CGGBP1: variants seen among roughly 807,000 people sequenced by gnomAD.
The protein encoded by CGGBP1 is CGG triplet repeat binding protein 1.
Under a neutral mutation model 11.4 loss-of-function variants are expected in CGGBP1, and 4 were observed. That is an observed-to-expected ratio of 0.35 (90% confidence interval 0.17 to 0.80). The LOEUF (loss-of-function observed/expected upper bound fraction) is 0.80. Among genes scored for constraint, CGGBP1 ranks in the 30% least tolerant of loss-of-function variants. The pLI is 0.52. For missense variants in CGGBP1, 135 were observed against 202.1 expected, an observed-to-expected ratio of 0.67 and a Z score of 2.01; for synonymous variants, 76 against 74.1, an observed-to-expected ratio of 1.03 and a Z score of -0.13.
chr3:88,062,700 G>A (rs1420797975), upstream of CGGBP1, among the ~76,000 whole-genome samples: 1 of 152,104 alleles, frequency 6.6e-6, no homozygotes, highest in Non-Finnish European at 1.5e-5. Flanking sequence ...AGGATTTCTG[G>A]AACCACTTTG....
rs538966633 is a variant in CGGBP1, at chr3:88,129,004, T to G, written c.-229+11966A>C. ...ATGTCACCTGTAGAAGATCAGCTAT[T>G]CCGGGAGGTATTGTTTGAGACTATT... On this transcript the variant is annotated intron_variant, in intron 2 of 3. Coordinates refer to the CGGBP1 transcript ENST00000462901. 71 of 1,532,352 alleles carry G rather than the reference T, an allele frequency of 4.6e-5. 1 individual carries two copies. The African/African-American group carries it at 5.9e-4, about 13-fold the overall frequency. 94.9% of individuals were successfully genotyped at this position (1,532,352 alleles called of 1,614,324 possible).
chr3:88,100,594 A>C (rs1464898892), intron 2 of CGGBP1, among the ~76,000 whole-genome samples: 5 of 152,230 alleles, frequency 3.3e-5, no homozygotes, highest in Non-Finnish European at 7.3e-5. Context: ...GATTAAGAAA[A>C]TGTGGCACAT....
At chr3:88,141,497 T>A in intron 1 of CGGBP1, 1 of 527,752 alleles carries the variant, frequency 1.9e-6, no homozygotes, top group Non-Finnish European at 3.1e-6. Context: ...AGAAAATAAT[T>A]GAGAAACAAA....
At chr3:88,135,330 C>CGT in intron 2 of CGGBP1, 1 of 656,156 alleles carries the variant, frequency 1.5e-6, no homozygotes. Flanking sequence ...CCACATTCTC[C>CGT]ATACATTACA....
At chr3:88,083,201 A>T (rs896826495) in intron 2 of CGGBP1, among the ~76,000 whole-genome samples, 1 of 152,196 alleles carries the variant, frequency 6.6e-6, no homozygotes, top group Non-Finnish European at 1.5e-5. Context: ...TAGGGCTTCA[A>T]CAAATGAACT....
chr3:88,140,648 T>G, intron 2 of CGGBP1: 1 of 1,613,790 alleles, frequency 6.2e-7, no homozygotes, highest in Non-Finnish European at 8.5e-7. Flanking sequence ...CATCAGATCC[T>G]GCTTTGAAAA....
intron 2 of CGGBP1, among the ~76,000 whole-genome samples, chr3:88,120,852 C>T (rs1166681652): frequency 6.6e-6 from 1 of 152,008 alleles, no homozygotes; most frequent in African/African-American, 2.4e-5. Context: ...TTCAAAATTA[C>T]TGTATCACAG....
chr3:88,089,661 G>A (rs1163347942), intron 2 of CGGBP1, among the ~76,000 whole-genome samples: 1 of 151,992 alleles, frequency 6.6e-6, no homozygotes, highest in Non-Finnish European at 1.5e-5. Context: ...TTCTTTCAGG[G>A]CTGTTGACAG....
At chr3:88,113,542 A>C (rs1008687389) in intron 2 of CGGBP1, among the ~76,000 whole-genome samples, 2 of 152,054 alleles carry the variant, frequency 1.3e-5, no homozygotes, top group African/African-American at 4.8e-5. Context: ...CCTTGGCTGT[A>C]CCTTGATTTT....
intron 2 of CGGBP1, among the ~76,000 whole-genome samples, chr3:88,076,265 G>T (rs1019731854): frequency 6.6e-6 from 1 of 151,946 alleles, no homozygotes; most frequent in Non-Finnish European, 1.5e-5. Flanking sequence ...TTGGATCTCC[G>T]GTCTGGTTCA....
chr3:88,055,943 G>C lies in CGGBP1; in HGVS notation c.34C>G (p.Arg12Gly). 3.1e-6 allele frequency: 5 copies of C among 1,613,692 alleles called. No individual in the cohort carries two copies. The highest frequency in any genetic ancestry group is 4.2e-6 in the Non-Finnish European group (5 of 1,179,718). ...ERFVVTAPPA[R>G]NRSKTALYVT... The stretch of plus-strand genomic sequence containing the variant: ...TACAAAGCAGTCTTAGAACGGTTTC[G>C]AGCAGGTGGTGCTGTTACTACAAAT... The change falls in exon 4 of 4, where the codon CGA (arginine) becomes GGA (glycine). Residue 12 changes from arginine (R) to glycine (G), a missense_variant. Physicochemically the swap from Arg to Gly is moderately radical, Grantham distance 125. Coordinates refer to ENST00000482016, the MANE Select transcript of CGGBP1 (RefSeq NM_001008390.2). The surrounding 1 kb of genome is among the most constrained non-coding windows in gnomAD (Gnocchi z 4.2).
chr3:88,086,467 A>G (rs541422522), intron 2 of CGGBP1: 21 of 1,307,522 alleles, frequency 1.6e-5, no homozygotes, highest in Non-Finnish European at 2.1e-5. Context: ...TTTGTTTTTG[A>G]TAATTTCTTC....
chr3:88,062,086 T>C (rs189984727), upstream of CGGBP1, among the ~76,000 whole-genome samples: 2 of 152,166 alleles, frequency 1.3e-5, no homozygotes, highest in Admixed American at 1.3e-4. Flanking sequence ...GTTAATAATA[T>C]TGGACTGGCC....
upstream of CGGBP1, chr3:88,059,201 C>T: frequency 2.1e-6 from 3 of 1,452,014 alleles, no homozygotes; most frequent in South Asian, 1.4e-5. Flanking sequence ...CGAGAGGCCC[C>T]TGTCCGGCTA....
At chr3:88,125,840 T>C (rs981486945) in intron 2 of CGGBP1, among the ~76,000 whole-genome samples, 1 of 152,148 alleles carries the variant, frequency 6.6e-6, no homozygotes, top group African/African-American at 2.4e-5. Context: ...TAAGTTTCAG[T>C]TTTTTGCAAC....
rs1233568629 is a variant in CGGBP1 at position 88,055,965 on chromosome 3, A to C, written c.12T>G (p.Phe4Leu). Reference protein sequence around the residue: MERFVVTAPPARNR... With the variant: MERLVVTAPPARNR... ...TTCGAGCAGGTGGTGCTGTTACTAC[A>C]AATCGCTCCATTCTGACTCTAAATA... is the stretch of plus-strand genomic sequence containing the variant. Residue 4 changes from phenylalanine (F) to leucine (L), a missense_variant, in exon 4 of 4, where the codon TTT (phenylalanine) becomes TTG (leucine). By Grantham distance (22) the Phe-to-Leu change is conservative. Transcript: ENST00000482016. The surrounding 1 kb of genome is among the most constrained non-coding windows in gnomAD (Gnocchi z 4.2). The C allele has an allele frequency of 6.2e-7, 1 of 1,609,352 alleles. No individual in the cohort carries two copies.
rs537885073 is a variant in CGGBP1 at position 88,093,044 on chromosome 3, T to A, written c.-228-34821A>T. The stretch of plus-strand genomic sequence containing the variant: ...ATAATTCTGTCTAACTTTACCTGGG[T>A]TGACTATCCTTATAAGATGTATTTT... On this transcript the variant is annotated intron_variant, in intron 2 of 3. Coordinates refer to the CGGBP1 transcript ENST00000462901. Among the ~76,000 whole-genome samples, 5 of 152,310 alleles carry A rather than the reference T, an allele frequency of 3.3e-5. No homozygotes were observed. In the South Asian group the frequency reaches 1.0e-3, roughly 32 times the overall value.
chr3:88,098,561 A>T (rs979255742), intron 2 of CGGBP1, among the ~76,000 whole-genome samples: 1 of 152,174 alleles, frequency 6.6e-6, no homozygotes, highest in Non-Finnish European at 1.5e-5. Context: ...CCCTTGATGA[A>T]CATTGATGCA....
At chr3:88,133,650 C>A (rs887794891) in intron 2 of CGGBP1, among the ~76,000 whole-genome samples, 2 of 152,014 alleles carry the variant, frequency 1.3e-5, no homozygotes, top group Admixed American at 1.3e-4. Context: ...GTTAGGAGTT[C>A]CTGAGATTCA....
Sources: allele counts gnomAD v4.1 joint callset (sites outside exome capture counted in the v4.1 genomes callset), GRCh38; gene constraint gnomAD v4.1.1; non-coding constraint Gnocchi (gnomAD v3.1); transcripts MANE v1.5; gene names NCBI Gene and HGNC (gene_info 2026-07-23, HGNC 2026-07-21).